Variants in CLRN1 observed in about 807,000 individuals in gnomAD.
CLRN1 encodes clarin-1.
Under a neutral mutation model 18.7 loss-of-function variants are expected in CLRN1, and 15 were observed. The observed-to-expected ratio is 0.80, with a 90% CI of 0.54 to 1.23. The LOEUF (loss-of-function observed/expected upper bound fraction) is 1.23. Ranked by LOEUF, CLRN1 falls within the 50% of genes most tolerant of loss-of-function variation. The probability of loss-of-function intolerance (pLI) is 0.00; values close to 1 mark genes in which losing one functional copy is unlikely to be tolerated. For missense variants in CLRN1, 311 were observed against 277.5 expected, an observed-to-expected ratio of 1.12 and a Z score of -0.86; for synonymous variants, 104 against 102.9, an observed-to-expected ratio of 1.01 and a Z score of -0.07.
chr3:150,953,578 A>C (rs1437287005), intron 1 of CLRN1, among the ~76,000 whole-genome samples: 2 of 152,184 alleles, frequency 1.3e-5, no homozygotes, highest in African/African-American at 4.8e-5. Context: ...TCACCCAGGC[A>C]GTGGGTGGAG....
chr3:150,938,285 C>T (rs1241350537), intron 2 of CLRN1, among the ~76,000 whole-genome samples: 4 of 152,118 alleles, frequency 2.6e-5, no homozygotes, highest in Admixed American at 2.6e-4. Context: ...GAATGTGACT[C>T]GTACGTGAAA....
At chr3:150,955,426 C>A (rs1399335095) in intron 1 of CLRN1, among the ~76,000 whole-genome samples, 1 of 152,084 alleles carries the variant, frequency 6.6e-6, no homozygotes, top group Non-Finnish European at 1.5e-5. Context: ...GAAAACAAAT[C>A]AAAGCTGGGT....
intron 2 of CLRN1, among the ~76,000 whole-genome samples, chr3:150,941,025 AT>A (rs1405450306): frequency 6.6e-6 from 1 of 151,950 alleles, no homozygotes; most frequent in East Asian, 1.9e-4. Context: ...ATAGCACATT[AT>A]TGAACACTAA....
At chr3:150,931,081 T>G (rs1713109717) in intron 2 of CLRN1, among the ~76,000 whole-genome samples, 1 of 152,196 alleles carries the variant, frequency 6.6e-6, no homozygotes. Context: ...AACCTTTCAG[T>G]GACTGCTAAG....
intron 1 of CLRN1, among the ~76,000 whole-genome samples, chr3:150,949,564 G>A (rs1714378654): frequency 6.6e-6 from 1 of 152,110 alleles, no homozygotes; most frequent in Non-Finnish European, 1.5e-5. Flanking sequence ...ACCAAGCTGA[G>A]GGCCAAATCA....
chr3:150,935,730 C>A (rs1294100637), intron 2 of CLRN1, among the ~76,000 whole-genome samples: 7 of 151,388 alleles, frequency 4.6e-5, no homozygotes, highest in Admixed American at 2.6e-4. Flanking sequence ...AATGACTTCC[C>A]CAATGGTTGA....
At chr3:150,951,465 G>A (rs1202875678) in intron 1 of CLRN1, among the ~76,000 whole-genome samples, 5 of 151,962 alleles carry the variant, frequency 3.3e-5, no homozygotes, top group African/African-American at 7.3e-5. Context: ...AGCCTCCCAA[G>A]TAGCTGGGAT....
At chr3:150,967,072 C>T (rs932277506) in intron 1 of CLRN1, among the ~76,000 whole-genome samples, 1 of 152,136 alleles carries the variant, frequency 6.6e-6, no homozygotes, top group African/African-American at 2.4e-5. Flanking sequence ...CACCTCAAAT[C>T]CAGGTTGCTT....
intron 1 of CLRN1, among the ~76,000 whole-genome samples, chr3:150,957,585 C>T (rs999313969): frequency 7.2e-5 from 11 of 152,210 alleles, no homozygotes; most frequent in Non-Finnish European, 7.3e-5. Flanking sequence ...ACTCTCCCCT[C>T]GATCTCCTTG....
chr3:150,966,063 T>G (rs1715243076), intron 1 of CLRN1, among the ~76,000 whole-genome samples: 1 of 152,236 alleles, frequency 6.6e-6, no homozygotes, highest in African/African-American at 2.4e-5. Context: ...CTTATGCCCA[T>G]AATTCCAGCA....
rs947280134 is a variant in CLRN1, at chr3:150,927,597, G to T, written c.*339C>A. On this transcript the variant is annotated 3_prime_UTR_variant, in exon 3 of 3. Coordinates refer to ENST00000327047, the MANE Select transcript of CLRN1 (RefSeq NM_174878.3). The stretch of plus-strand genomic sequence containing the variant: ...TTGTTTTTATTAAAATATATTCCAT[G>T]TGCCTTTGATATCTTTTTGATAGGA... The T allele has an allele frequency of 6.2e-6, 3 of 482,936 alleles. No individual in the cohort carries two copies. The highest frequency in any genetic ancestry group is 1.2e-5 in the Non-Finnish European group (3 of 247,578). 29.9% of individuals were successfully genotyped at this position (482,936 alleles called of 1,614,324 possible). A position where few individuals can be genotyped will look rare whatever the true frequency, so the allele number is the denominator to read the frequency against.
At chr3:150,939,135 C>G (rs1290065410) in intron 2 of CLRN1, among the ~76,000 whole-genome samples, 2 of 152,228 alleles carry the variant, frequency 1.3e-5, no homozygotes, top group Non-Finnish European at 2.9e-5. Context: ...ACTCCCCAAA[C>G]TAGTTCTGCC....
chr3:150,948,443 C>T (rs1459355199), intron 1 of CLRN1, among the ~76,000 whole-genome samples: 1 of 137,862 alleles, frequency 7.3e-6, no homozygotes, highest in African/African-American at 2.7e-5. Context: ...GAGATCGCGC[C>T]ACTGCACTCC....
chr3:150,971,028 G>T (rs879918044), intron 1 of CLRN1, among the ~76,000 whole-genome samples: 15 of 152,100 alleles, frequency 9.9e-5, no homozygotes, highest in Non-Finnish European at 1.8e-4. Flanking sequence ...AAATGTAAAG[G>T]CTCCAGAAAA....
intron 1 of CLRN1, among the ~76,000 whole-genome samples, chr3:150,970,826 TAGAC>T (rs964478031): frequency 1.3e-5 from 2 of 152,122 alleles, no homozygotes; most frequent in African/African-American, 2.4e-5. Context: ...ACTTCATCCT[TAGAC>T]AGGACAAGCA....
chr3:150,966,398 A>AT (rs1300074287), intron 1 of CLRN1, among the ~76,000 whole-genome samples: 3 of 152,234 alleles, frequency 2.0e-5, no homozygotes, highest in Non-Finnish European at 4.4e-5. Flanking sequence ...AAGAAGTTAG[A>AT]TTTAGGAAAG....
At chr3:150,934,772 T>C (rs1713362385) in intron 2 of CLRN1, among the ~76,000 whole-genome samples, 1 of 152,144 alleles carries the variant, frequency 6.6e-6, no homozygotes, top group Non-Finnish European at 1.5e-5. Context: ...GCTCCCTCTT[T>C]TTTGGTTCTC....
intron 1 of CLRN1, among the ~76,000 whole-genome samples, chr3:150,960,220 G>A (rs1414714793): frequency 1.3e-5 from 2 of 152,200 alleles, no homozygotes; most frequent in African/African-American, 4.8e-5. Flanking sequence ...CATTTATGTG[G>A]AAGATTGTTG....
At chr3:150,933,676 G>A (rs1222968844) in intron 2 of CLRN1, among the ~76,000 whole-genome samples, 2 of 152,142 alleles carry the variant, frequency 1.3e-5, no homozygotes, top group South Asian at 2.1e-4. Flanking sequence ...CGTACATTCT[G>A]AGTAGGATAA....
Sources: gnomAD v4.1 joint callset for allele counts (sites outside exome capture counted in the v4.1 genomes callset) on GRCh38, gnomAD v4.1.1 for gene constraint, MANE v1.5 for transcripts, NCBI Gene and HGNC (gene_info 2026-07-23, HGNC 2026-07-21) for gene names.